Variants in CWC27 observed in about 807,000 individuals in gnomAD.
CWC27 encodes CWC27 spliceosome associated cyclophilin.
CWC27 carries 47 observed loss-of-function variants against 63.6 expected under a neutral mutation model. That is an observed-to-expected ratio of 0.74 (90% CI 0.58 to 0.94). CWC27 has a LOEUF of 0.94. CWC27 is among the 40% of genes least tolerant of loss of function. CWC27 has a pLI of 0.00. For synonymous variants in CWC27, 175 were observed against 179.8 expected, an observed-to-expected ratio of 0.97 and a Z score of 0.22; for missense variants, 495 against 554.3, an observed-to-expected ratio of 0.89 and a Z score of 1.07.
intron 11 of CWC27, among the ~76,000 whole-genome samples, chr5:64,945,954 TAA>T (rs1449140154): frequency 1.3e-5 from 2 of 152,160 alleles, no homozygotes; most frequent in Non-Finnish European, 2.9e-5. Context: ...TAATAATTGA[TAA>T]GTTTGTTATT....
chr5:64,974,097 G>C (rs528370963), intron 12 of CWC27, among the ~76,000 whole-genome samples: 2 of 151,828 alleles, frequency 1.3e-5, no homozygotes, highest in South Asian at 4.2e-4. Flanking sequence ...AAATAGTTTG[G>C]CAAGGTGGTG....
At chr5:64,855,232 G>C (rs938294682) in intron 10 of CWC27, among the ~76,000 whole-genome samples, 1 of 152,192 alleles carries the variant, frequency 6.6e-6, no homozygotes, top group Non-Finnish European at 1.5e-5. Flanking sequence ...AATAAGAAAA[G>C]AGCAGGAAGT....
chr5:64,988,302 C>T (rs1749472791), intron 13 of CWC27, among the ~76,000 whole-genome samples: 1 of 152,108 alleles, frequency 6.6e-6, no homozygotes, highest in Non-Finnish European at 1.5e-5. Flanking sequence ...GTATTAGCAT[C>T]TGTTGATTGT....
chr5:64,829,125 G>A (rs555652572), intron 10 of CWC27, among the ~76,000 whole-genome samples: 1 of 152,250 alleles, frequency 6.6e-6, no homozygotes, highest in South Asian at 2.1e-4. Context: ...GATTGCTAAT[G>A]TCATTTCTTA....
At chr5:64,812,834 C>T (rs1348763269) in intron 10 of CWC27, among the ~76,000 whole-genome samples, 3 of 152,052 alleles carry the variant, frequency 2.0e-5, no homozygotes, top group African/African-American at 7.2e-5. Context: ...GAATTGTCAA[C>T]AATTAATTAC....
chr5:64,917,219 C>T (rs1475847099), intron 11 of CWC27, among the ~76,000 whole-genome samples: 1 of 152,092 alleles, frequency 6.6e-6, no homozygotes, highest in Non-Finnish European at 1.5e-5. Context: ...TACTTCTACA[C>T]GTGTTCTTAT....
Position 65,006,360 on chromosome 5 carries a change from C to T in CWC27, c.1257-11799C>T, listed in dbSNP as rs1242120897. Among the ~76,000 whole-genome samples, 3 of 152,196 alleles carry T rather than the reference C, an allele frequency of 2.0e-5. No individual in the cohort carries two copies. In the South Asian group the frequency reaches 6.2e-4, roughly 32 times the overall value. ...CTATCTACCAAAAGTTCTGAGAGGT[C>T]AGTATTGTGACCAGATACAAAATAA... is the stretch of plus-strand genomic sequence containing the variant. On this transcript the variant is annotated intron_variant, in intron 13 of 13. Transcript: ENST00000381070.
chr5:64,934,251 T>G (rs1045113234), intron 11 of CWC27, among the ~76,000 whole-genome samples: 1 of 152,156 alleles, frequency 6.6e-6, no homozygotes, highest in African/African-American at 2.4e-5. Context: ...ATTTCTCCCC[T>G]AGAACCCCAC....
chr5:64,830,187 C>T (rs1427675696), intron 10 of CWC27, among the ~76,000 whole-genome samples: 2 of 151,338 alleles, frequency 1.3e-5, no homozygotes, highest in Non-Finnish European at 2.9e-5. Flanking sequence ...CCCCCCATGA[C>T]AGGCCCCTGT....
intron 6 of CWC27, among the ~76,000 whole-genome samples, chr5:64,787,094 C>A (rs908458066): frequency 2.6e-5 from 4 of 152,134 alleles, no homozygotes; most frequent in Admixed American, 6.6e-5. Flanking sequence ...ATCATGAGAA[C>A]AGCTTTGGGG....
At chr5:64,908,674 A>G (rs1179496574) in intron 11 of CWC27, among the ~76,000 whole-genome samples, 3 of 152,102 alleles carry the variant, frequency 2.0e-5, no homozygotes. Context: ...TGTTGGTTTA[A>G]AGTCTGTTTT....
intron 11 of CWC27, among the ~76,000 whole-genome samples, chr5:64,941,793 G>C (rs1214057635): frequency 1.3e-5 from 2 of 151,922 alleles, no homozygotes; most frequent in Non-Finnish European, 2.9e-5. Context: ...TGATTTCAGA[G>C]AATCCTGCTA....
chr5:64,778,501 T>A lies in CWC27; in HGVS notation c.140-3420T>A, dbSNP rs986475945. 2.6e-5 allele frequency among the ~76,000 whole-genome samples: 4 copies of A among 152,230 alleles called. No individual in the cohort carries two copies. The East Asian group carries it at 5.8e-4, about 22-fold the overall frequency. On this transcript the variant is annotated intron_variant, in intron 2 of 13. Transcript: ENST00000381070. ...GATATATACTGGGGTATATTTTATA[T>A]TCAAATTTGAATATGAATTTGTAGC...
intron 11 of CWC27, among the ~76,000 whole-genome samples, chr5:64,931,171 C>A (rs1443707407): frequency 2.6e-5 from 4 of 151,976 alleles, no homozygotes; most frequent in Non-Finnish European, 5.9e-5. Context: ...ATTTGAAATA[C>A]TATAGTTACT....
chr5:65,006,978 GAAAGAAAGAAAGAAAGAA>G (rs1191779184), intron 13 of CWC27, among the ~76,000 whole-genome samples: 1 of 140,110 alleles, frequency 7.1e-6, no homozygotes, highest in Non-Finnish European at 1.6e-5. Context: ...AAGAAAGAAA[GAAAGAAAGAAAGAAAGAA>G]AGAAAGAAAG....
At chr5:64,864,932 C>G (rs1746498550) in intron 10 of CWC27, among the ~76,000 whole-genome samples, 1 of 151,930 alleles carries the variant, frequency 6.6e-6, no homozygotes, top group South Asian at 2.1e-4. Context: ...TTGACATATA[C>G]AATGCATTAT....
intron 13 of CWC27, among the ~76,000 whole-genome samples, chr5:64,980,378 G>T (rs1422424000): frequency 3.3e-5 from 5 of 152,174 alleles, no homozygotes; most frequent in Non-Finnish European, 7.3e-5. Flanking sequence ...AAGTCCATAT[G>T]CCAAATTGGG....
intron 11 of CWC27, among the ~76,000 whole-genome samples, chr5:64,912,354 A>G (rs984726484): frequency 6.6e-6 from 1 of 152,182 alleles, no homozygotes; most frequent in Non-Finnish European, 1.5e-5. Context: ...CAGAAACAAC[A>G]AATAGAAAGA....
Position 64,888,871 on chromosome 5 carries a change from A to T in CWC27, c.1042+3325A>T, listed in dbSNP as rs184550310. On this transcript the variant is annotated intron_variant, in intron 11 of 13. Transcript: ENST00000381070. ...AATATTTATAAAACTCAAAGGTAAA[A>T]AGAGTAACTTTATAGTACAGCAACT... 4.7e-3 allele frequency among the ~76,000 whole-genome samples: 717 copies of T among 152,264 alleles called. 1 individual carries two copies. Among genetic ancestry groups the T allele is most frequent in the Non-Finnish European group, 7.8e-3 (527 of 67,994 alleles).
Sources: allele counts gnomAD v4.1 joint callset (sites outside exome capture counted in the v4.1 genomes callset), GRCh38; gene constraint gnomAD v4.1.1; transcripts MANE v1.5; gene names NCBI Gene and HGNC (gene_info 2026-07-23, HGNC 2026-07-21).